Variants in RASA1 observed in about 807,000 individuals in gnomAD.
RASA1 encodes the protein ras GTPase-activating protein 1.
A neutral mutation model predicts 132.2 loss-of-function variants in RASA1; 25 were observed. The ratio of observed to expected loss-of-function variants is 0.19; its 90% confidence interval spans 0.14 to 0.26. The LOEUF is 0.26. Ranked by LOEUF, RASA1 falls within the 10% of genes least tolerant of loss-of-function variation. The pLI is 1.00. For missense variants in RASA1, 964 were observed against 1,299.2 expected, an observed-to-expected ratio of 0.74 and a Z score of 3.97; for synonymous variants, 477 against 449.9, an observed-to-expected ratio of 1.06 and a Z score of -0.76.
intron 21 of RASA1, among the ~76,000 whole-genome samples, chr5:87,384,692 A>G (rs965560257): frequency 1.3e-5 from 2 of 152,106 alleles, no homozygotes; most frequent in East Asian, 1.9e-4. Flanking sequence ...TAAGTTCCAG[A>G]GCTTATATTT....
rs1187222979 is a variant in RASA1 at position 87,391,154 on chromosome 5, A to C, written c.*271A>C. On this transcript the variant is annotated 3_prime_UTR_variant, in exon 25 of 25. Transcript: ENST00000274376. ...TGGTGTACAGACCACCTTTCACAAA[A>C]CGAAATGCTATGACTGTATCTTGAT... 4.8e-5 allele frequency: 27 copies of C among 562,856 alleles called. No individual in the cohort carries two copies. In the East Asian group the frequency reaches 7.9e-4, roughly 16 times the overall value. 34.9% of individuals were successfully genotyped at this position (562,856 alleles called of 1,614,324 possible).
chr5:87,355,693 G>T (rs933954900), intron 9 of RASA1, among the ~76,000 whole-genome samples: 1 of 152,214 alleles, frequency 6.6e-6, no homozygotes, highest in Non-Finnish European at 1.5e-5. Flanking sequence ...GCAAAAAATA[G>T]TGACTTATGG....
intron 1 of RASA1, among the ~76,000 whole-genome samples, chr5:87,287,711 C>A (rs62644437): frequency 0.22 from 10,954 of 50,796 alleles, 1,091 homozygotes; most frequent in Admixed American, 0.23. Context: ...TATATGTACA[C>A]GCCATAGATA....
intron 23 of RASA1, among the ~76,000 whole-genome samples, chr5:87,389,021 C>T (rs1189279831): frequency 6.6e-6 from 1 of 152,026 alleles, no homozygotes. Context: ...ACAAAGGTTA[C>T]AAAGTCTATA....
rs147553373 is a variant in RASA1, at chr5:87,287,604, G to A, written c.539+18614G>A. On this transcript the variant is annotated intron_variant, in intron 1 of 24. Coordinates refer to ENST00000274376, the MANE Select transcript of RASA1 (RefSeq NM_002890.3). ...ATATATATACACCATACATATACAC[G>A]CCATATATATACCATACATATACAC... Among the ~76,000 whole-genome samples the A allele has an allele frequency of 8.2e-3, 1,069 of 130,484 alleles. 13 individuals carry two copies. The highest frequency in any genetic ancestry group is 0.029 in the African/African-American group (987 of 34,438). The allele number at this position is 130,484 out of a possible 152,430, so 85.6% of individuals were successfully genotyped here. A position where few individuals can be genotyped will look rare whatever the true frequency, so the allele number is the denominator to read the frequency against.
chr5:87,390,312 C>A (rs910575591), intron 24 of RASA1, among the ~76,000 whole-genome samples: 2 of 152,020 alleles, frequency 1.3e-5, no homozygotes, highest in Non-Finnish European at 2.9e-5. Context: ...ATGCTGTCAC[C>A]GCACTGGCTA....
chr5:87,357,932 T>C (rs559958039), intron 9 of RASA1, among the ~76,000 whole-genome samples: 3 of 152,198 alleles, frequency 2.0e-5, no homozygotes, highest in Admixed American at 1.3e-4. Flanking sequence ...ACACAGAAAC[T>C]ATTAAGTGCT....
At chr5:87,357,761 T>C (rs1483932305) in intron 9 of RASA1, among the ~76,000 whole-genome samples, 1 of 152,226 alleles carries the variant, frequency 6.6e-6, no homozygotes, top group African/African-American at 2.4e-5. Context: ...GTATGTGTTA[T>C]AAGACTGCTT....
intron 1 of RASA1, among the ~76,000 whole-genome samples, chr5:87,308,550 C>T (rs1304614882): frequency 1.3e-5 from 2 of 152,004 alleles, no homozygotes; most frequent in African/African-American, 4.8e-5. Context: ...AGGAAAAAGT[C>T]TTTACTCCCT....
At chr5:87,345,553 T>G (rs1409330556) in intron 6 of RASA1, among the ~76,000 whole-genome samples, 1 of 152,190 alleles carries the variant, frequency 6.6e-6, no homozygotes, top group African/African-American at 2.4e-5. Context: ...TTGCTTTATA[T>G]TATTCAAAAT....
intron 1 of RASA1, among the ~76,000 whole-genome samples, chr5:87,301,682 G>A (rs758538787): frequency 5.3e-5 from 8 of 152,014 alleles, no homozygotes; most frequent in African/African-American, 9.7e-5. Context: ...TACCAGTTGA[G>A]CATCCTTAAT....
At chr5:87,324,190 GTT>G (rs1757039735) in intron 1 of RASA1, among the ~76,000 whole-genome samples, 1 of 152,178 alleles carries the variant, frequency 6.6e-6, no homozygotes, top group African/African-American at 2.4e-5. Flanking sequence ...AATTGATACT[GTT>G]TTGAGGATTT....
At chr5:87,374,624 T>C (rs1410614406) in intron 14 of RASA1, among the ~76,000 whole-genome samples, 2 of 151,868 alleles carry the variant, frequency 1.3e-5, no homozygotes, top group Non-Finnish European at 2.9e-5. Context: ...GAATGAATTA[T>C]TAGTTTAGGA....
At chr5:87,323,625 C>G (rs1434749296) in intron 1 of RASA1, among the ~76,000 whole-genome samples, 1 of 152,058 alleles carries the variant, frequency 6.6e-6, no homozygotes, top group Non-Finnish European at 1.5e-5. Context: ...TATATTCTTT[C>G]CATTTTATTT....
At position 87,353,049 on chromosome 5, in the gene RASA1, A is replaced by G. The variant is rs552984816; in HGVS notation, c.1254-108A>G. ...TAATGTATTTGTGTTATGTGCTTTG[A>G]AAAAAATTTGCTAATTAGATAATCC... is the stretch of plus-strand genomic sequence containing the variant. On this transcript the variant is annotated intron_variant, in intron 8 of 24. Coordinates refer to ENST00000274376, the MANE Select transcript of RASA1 (RefSeq NM_002890.3). 4 of 784,146 alleles carry G rather than the reference A, an allele frequency of 5.1e-6. No homozygotes were observed. The South Asian group carries it at 6.2e-5, about 12-fold the overall frequency. 48.6% of individuals were successfully genotyped at this position (784,146 alleles called of 1,614,324 possible). A position where few individuals can be genotyped will look rare whatever the true frequency, so the allele number is the denominator to read the frequency against.
chr5:87,337,625 A>G (rs916739827), intron 4 of RASA1, among the ~76,000 whole-genome samples: 26 of 152,094 alleles, frequency 1.7e-4, no homozygotes, highest in Admixed American at 1.6e-3. Context: ...AAGTTTTTCA[A>G]TTCAGTTTTC....
intron 1 of RASA1, among the ~76,000 whole-genome samples, chr5:87,280,722 G>A (rs1754279409): frequency 2.6e-5 from 4 of 151,954 alleles, no homozygotes; most frequent in Admixed American, 2.0e-4. Flanking sequence ...AGTTTCAAGA[G>A]GTTCAACCCA....
intron 9 of RASA1, among the ~76,000 whole-genome samples, chr5:87,355,058 A>G (rs1017164398): frequency 2.0e-5 from 3 of 152,206 alleles, no homozygotes; most frequent in African/African-American, 7.2e-5. Context: ...TCTCCATAAC[A>G]TAAAAGTGTA....
At chr5:87,303,194 C>G (rs1755453545) in intron 1 of RASA1, among the ~76,000 whole-genome samples, 1 of 152,104 alleles carries the variant, frequency 6.6e-6, no homozygotes, top group Non-Finnish European at 1.5e-5. Flanking sequence ...GGACCTGTCT[C>G]TTTTTCACTA....
Sources: allele counts gnomAD v4.1 joint callset (sites outside exome capture counted in the v4.1 genomes callset), GRCh38; gene constraint gnomAD v4.1.1; transcripts MANE v1.5; gene names NCBI Gene and HGNC (gene_info 2026-07-23, HGNC 2026-07-21).